The following SPAST variants were observed in gnomAD, a reference collection of about 807,000 sequenced individuals.
The protein encoded by SPAST is spastic paraplegia 4 (autosomal dominant; spastin).
A neutral mutation model predicts 76.6 loss-of-function variants in SPAST; 30 were observed. The ratio of observed to expected loss-of-function variants is 0.39; its 90% CI spans 0.29 to 0.53. The LOEUF (loss-of-function observed/expected upper bound fraction) is 0.53. Ranked by LOEUF, SPAST falls within the 20% of genes least tolerant of loss-of-function variation. SPAST has a pLI of 0.68. For missense variants in SPAST, 717 were observed against 770.5 expected, an observed-to-expected ratio of 0.93 and a Z score of 0.82; for synonymous variants, 305 against 281.0, an observed-to-expected ratio of 1.09 and a Z score of -0.86.
At chr2:32,109,907 CAT>C (rs1306349247) in intron 4 of SPAST, among the ~76,000 whole-genome samples, 7 of 147,970 alleles carry the variant, frequency 4.7e-5, no homozygotes, top group South Asian at 2.1e-4. Context: ...TATGCATACA[CAT>C]ATATAGTTAC....
At chr2:32,142,276 C>A (rs1679744661) in intron 13 of SPAST, among the ~76,000 whole-genome samples, 1 of 152,008 alleles carries the variant, frequency 6.6e-6, no homozygotes, top group African/African-American at 2.4e-5. Context: ...TACTGTTATC[C>A]ATTATACATG....
At chr2:32,110,846 A>T (rs1471897703) in intron 4 of SPAST, among the ~76,000 whole-genome samples, 1 of 112,000 alleles carries the variant, frequency 8.9e-6, no homozygotes, top group Admixed American at 9.6e-5. Flanking sequence ...TATACTATAT[A>T]GTATATAGAG....
Position 32,155,806 on chromosome 2 carries a change from TTTCTC to T in SPAST, c.*1312_*1316del, listed in dbSNP as rs1680232116. ...TGGTTAAAAGTTTGTTTACAGAACT[TTTCTC>T]TGGTGCTTAAATGATGCTATGTAAA... On this transcript the variant is annotated 3_prime_UTR_variant, in exon 17 of 17. Coordinates refer to ENST00000315285, the MANE Select transcript of SPAST (RefSeq NM_014946.4). 6.6e-6 allele frequency: 1 copy of T among 152,522 alleles called. No individual in the cohort carries two copies. Among genetic ancestry groups the T allele is most frequent in the Non-Finnish European group, 1.5e-5 (1 of 68,014 alleles). 9.4% of individuals were successfully genotyped at this position (152,522 alleles called of 1,614,324 possible).
At chr2:32,110,534 TA>T (rs1348716204) in intron 4 of SPAST, among the ~76,000 whole-genome samples, 1 of 133,704 alleles carries the variant, frequency 7.5e-6, no homozygotes, top group South Asian at 2.3e-4. Flanking sequence ...ATAGTGTGTA[TA>T]TATAGTATAT....
intron 12 of SPAST, among the ~76,000 whole-genome samples, 163 bp from the exon 13 acceptor site, chr2:32,141,740 TA>T (rs1177417352): frequency 2.6e-5 from 4 of 152,226 alleles, no homozygotes; most frequent in Non-Finnish European, 1.5e-5. Context: ...TTTTAAACAT[TA>T]ACTAGAGTTT....
chr2:32,084,906 A>G (rs1677409576), intron 1 of SPAST, among the ~76,000 whole-genome samples: 1 of 151,342 alleles, frequency 6.6e-6, no homozygotes, highest in Non-Finnish European at 1.5e-5. Context: ...AAAAAAAAAA[A>G]AAAAGGGAAG....
chr2:32,078,813 A>G (rs1313551049), intron 1 of SPAST, among the ~76,000 whole-genome samples: 4 of 152,182 alleles, frequency 2.6e-5, no homozygotes, highest in Non-Finnish European at 5.9e-5. Flanking sequence ...AATCTTTTTC[A>G]CTTACCATAT....
chr2:32,106,080 A>C (rs1233305072), intron 4 of SPAST, among the ~76,000 whole-genome samples: 2 of 152,186 alleles, frequency 1.3e-5, no homozygotes, highest in Non-Finnish European at 2.9e-5. Context: ...AGAGGCAGTC[A>C]GGCCTCCTTG....
intron 1 of SPAST, among the ~76,000 whole-genome samples, chr2:32,083,985 T>TC (rs1677369787): frequency 6.7e-6 from 1 of 149,560 alleles, no homozygotes; most frequent in Non-Finnish European, 1.5e-5. Context: ...CGCCATGTTG[T>TC]CCAGGCTGGT....
At chr2:32,114,203 G>A (rs1464256325) in intron 4 of SPAST, among the ~76,000 whole-genome samples, 3 of 152,248 alleles carry the variant, frequency 2.0e-5, no homozygotes, top group South Asian at 4.1e-4. Context: ...CCAGGAGTTC[G>A]AGACCAGCCT....
At chr2:32,064,358 G>T (rs1464627315) in intron 1 of SPAST, 112 bp downstream of exon 1, 2 of 1,001,530 alleles carry the variant, frequency 2.0e-6, no homozygotes, top group Non-Finnish European at 3.0e-6. Context: ...GTGCACCCCC[G>T]GAATTGATAT....
At position 32,086,462 on chromosome 2, in the gene SPAST, T is replaced by TA. The variant is rs11350854; in HGVS notation, c.416-1015dup. Among the ~76,000 whole-genome samples, 992 of 144,402 alleles carry TA rather than the reference T, an allele frequency of 6.9e-3. 13 individuals carry two copies. The highest frequency in any genetic ancestry group is 0.023 in the African/African-American group (914 of 39,184). 94.7% of individuals were successfully genotyped at this position (144,402 alleles called of 152,430 possible). ...GTGTGGGTGACAGCAAGACTCTGTT[T>TA]AAAAAAAAAAAAAAATGAGGCCGGG... On this transcript the variant is annotated intron_variant, in intron 1 of 16. Coordinates refer to ENST00000315285, the MANE Select transcript of SPAST (RefSeq NM_014946.4).
intron 4 of SPAST, among the ~76,000 whole-genome samples, chr2:32,108,038 C>T (rs1160746416): frequency 2.0e-5 from 3 of 151,960 alleles, no homozygotes; most frequent in Admixed American, 2.0e-4. Flanking sequence ...AAAGTATAAC[C>T]CTTACTCAAG....
intron 9 of SPAST, among the ~76,000 whole-genome samples, chr2:32,133,667 A>G (rs1220221223): frequency 6.6e-6 from 1 of 152,102 alleles, no homozygotes; most frequent in African/African-American, 2.4e-5. Flanking sequence ...AAAAAAAAAA[A>G]ACGAACATTC....
intron 7 of SPAST, among the ~76,000 whole-genome samples, chr2:32,123,547 C>T (rs1211081893): frequency 6.6e-6 from 1 of 152,042 alleles, no homozygotes; most frequent in Admixed American, 6.6e-5. Context: ...TATGAAAAGG[C>T]AAAAGACCTA....
rs898848778 is a variant in SPAST, at chr2:32,116,226, A to G, written c.1098+14A>G. The stretch of plus-strand genomic sequence containing the variant: ...CTGAGGCCTGAGGTAAGAACTTTAT[A>G]TTATCATTTTTCTATAATACCATCT... On this transcript the variant is annotated intron_variant, in intron 7 of 16. Transcript: ENST00000315285. 4 of 1,552,530 alleles carry G rather than the reference A, an allele frequency of 2.6e-6. No individual in the cohort carries two copies. Among genetic ancestry groups the G allele is most frequent in the African/African-American group, 2.7e-5 (2 of 73,878 alleles).
chr2:32,091,732 G>A (rs1573076511), intron 3 of SPAST, among the ~76,000 whole-genome samples: 1 of 151,884 alleles, frequency 6.6e-6, no homozygotes, highest in East Asian at 2.0e-4. Flanking sequence ...TACTTGGGAG[G>A]CTGAGGCAGG....
chr2:32,132,552 C>A (rs1679406044), intron 9 of SPAST, among the ~76,000 whole-genome samples: 1 of 150,090 alleles, frequency 6.7e-6, no homozygotes, highest in African/African-American at 2.5e-5. Context: ...TATGAGACAG[C>A]CTTTCAAATA....
rs1431312080 is a variant in SPAST at position 32,116,123 on chromosome 2, A to G, written c.1009A>G (p.Thr337Ala). 1.2e-6 allele frequency: 2 copies of G among 1,611,024 alleles called. No individual in the cohort carries two copies. Among genetic ancestry groups the G allele is most frequent in the Non-Finnish European group, 1.7e-6 (2 of 1,177,374 alleles). The change falls in exon 7 of 17, where the codon ACA (threonine) becomes GCA (alanine). Residue 337 changes from threonine (T) to alanine (A), a missense_variant. Thr to Ala is a moderately conservative substitution (Grantham distance 58). Transcript: ENST00000315285. ...LIMNEIVDNG[T>A]AVKFDDIAGQ... ...AACTGAGGTCTTGTTTCTTAGTGGAACAGCTGTTAAATTTGATGATATAGC... is the reference window on the plus strand; with the variant it reads ...AACTGAGGTCTTGTTTCTTAGTGGAGCAGCTGTTAAATTTGATGATATAGC...
Sources: gnomAD v4.1 joint callset for allele counts (sites outside exome capture counted in the v4.1 genomes callset) on GRCh38, gnomAD v4.1.1 for gene constraint, MANE v1.5 for transcripts, NCBI Gene and HGNC (gene_info 2026-07-23, HGNC 2026-07-21) for gene names.